DNM3: variants seen among roughly 807,000 people sequenced by gnomAD.
The protein encoded by DNM3 is dynamin 3, also known as dynamin-3.
DNM3 carries 47 observed loss-of-function variants against 101.6 expected under a neutral mutation model. That is an observed-to-expected ratio of 0.46 (90% CI 0.37 to 0.59). The LOEUF (loss-of-function observed/expected upper bound fraction) is 0.59, where lower values mean the gene tolerates loss of function less well. Among genes scored for constraint, DNM3 ranks in the 20% least tolerant of loss-of-function variants. The pLI, the probability that DNM3 is intolerant of heterozygous loss-of-function variation, is 0.00. For missense variants in DNM3, 849 were observed against 1,085.7 expected, an observed-to-expected ratio of 0.78 and a Z score of 3.06; for synonymous variants, 385 against 387.9, an observed-to-expected ratio of 0.99 and a Z score of 0.09.
chr1:172,409,214 T>A lies in DNM3; in HGVS notation c.*1373T>A. The stretch of plus-strand genomic sequence containing the variant: ...GACAGCAGAGCAAGTATTCACTGAG[T>A]AGGGGTGTCCCATGACACTATTTCA... On this transcript the variant is annotated 3_prime_UTR_variant, in exon 21 of 21. Coordinates refer to ENST00000627582, the MANE Select transcript of DNM3 (RefSeq NM_015569.5). 1.0e-6 allele frequency: 1 copy of A among 985,352 alleles called. No homozygotes were observed. Among genetic ancestry groups the A allele is most frequent in the Non-Finnish European group, 1.2e-6 (1 of 829,880 alleles). 61.0% of individuals were successfully genotyped at this position (985,352 alleles called of 1,614,324 possible). A position where few individuals can be genotyped will look rare whatever the true frequency, so the allele number is the denominator to read the frequency against.
intron 14 of DNM3, chr1:172,138,771 C>CCG: frequency 5.3e-6 from 2 of 378,988 alleles, no homozygotes; most frequent in South Asian, 2.1e-5. Flanking sequence ...GTGAGGGCTG[C>CCG]TTTCTTTCAA....
chr1:172,123,382 C>G (rs1279046178), intron 13 of DNM3, among the ~76,000 whole-genome samples: 1 of 152,200 alleles, frequency 6.6e-6, no homozygotes, highest in Non-Finnish European at 1.5e-5. Flanking sequence ...TGGCCACTTA[C>G]AAGTCACACC....
chr1:172,095,003 G>A (rs1265600709), intron 13 of DNM3, among the ~76,000 whole-genome samples: 1 of 152,176 alleles, frequency 6.6e-6, no homozygotes, highest in Non-Finnish European at 1.5e-5. Flanking sequence ...ACTTCCAAAT[G>A]CTCAAATCAT....
At chr1:172,228,899 A>T (rs1032172700) in intron 14 of DNM3, among the ~76,000 whole-genome samples, 11 of 152,212 alleles carry the variant, frequency 7.2e-5, no homozygotes, top group African/African-American at 2.6e-4. Flanking sequence ...GTGAAAATAA[A>T]TTTTTTAAAA....
At chr1:172,212,721 G>C (rs552859542) in intron 14 of DNM3, among the ~76,000 whole-genome samples, 1 of 152,108 alleles carries the variant, frequency 6.6e-6, no homozygotes, top group African/African-American at 2.4e-5. Context: ...ACCACAAACT[G>C]ATTTGGGTAT....
chr1:172,009,123 A>ATATATATATTTATAT (rs1491449989), intron 4 of DNM3, among the ~76,000 whole-genome samples: 1 of 123,484 alleles, frequency 8.1e-6, no homozygotes, highest in African/African-American at 3.4e-5. Context: ...ATATCATATA[A>ATATATATATTTATAT]TATATATATT....
intron 13 of DNM3, among the ~76,000 whole-genome samples, chr1:172,103,082 A>T (rs1052734878): frequency 2.0e-5 from 3 of 152,152 alleles, no homozygotes; most frequent in Non-Finnish European, 4.4e-5. Context: ...AAAGTTGAAT[A>T]ATGCAGATAA....
intron 15 of DNM3, among the ~76,000 whole-genome samples, chr1:172,301,483 C>G (rs1186325366): frequency 6.6e-6 from 1 of 152,160 alleles, no homozygotes; most frequent in Non-Finnish European, 1.5e-5. Flanking sequence ...GCTCAGGCAA[C>G]AGAGAGACAT....
chr1:172,288,931 A>C (rs1428683738), intron 15 of DNM3, among the ~76,000 whole-genome samples: 2 of 152,248 alleles, frequency 1.3e-5, no homozygotes, highest in East Asian at 3.9e-4. Context: ...TTAGGAAAAA[A>C]TCCTAGCTGG....
chr1:171,911,063 G>A (rs542072699), intron 1 of DNM3, among the ~76,000 whole-genome samples: 245 of 152,232 alleles, frequency 1.6e-3, no homozygotes, highest in Admixed American at 3.6e-3. Flanking sequence ...AAAAGTTTGC[G>A]TGGGGGAATC....
chr1:172,385,597 T>A (rs2069137576), intron 18 of DNM3, among the ~76,000 whole-genome samples: 1 of 152,256 alleles, frequency 6.6e-6, no homozygotes, highest in Admixed American at 6.5e-5. Flanking sequence ...TTAGCTGAAT[T>A]TTTTGATTAG....
intron 1 of DNM3, among the ~76,000 whole-genome samples, chr1:171,870,380 G>A (rs1365665038): frequency 6.6e-6 from 1 of 151,958 alleles, no homozygotes; most frequent in East Asian, 1.9e-4. Context: ...TGAAGACCAG[G>A]AGTCTTTTAA....
intron 10 of DNM3, among the ~76,000 whole-genome samples, chr1:172,067,380 C>T (rs1255019674): frequency 1.3e-5 from 2 of 152,144 alleles, no homozygotes; most frequent in Non-Finnish European, 2.9e-5. Flanking sequence ...GTAGAAGCCA[C>T]CATTATTTCC....
intron 2 of DNM3, among the ~76,000 whole-genome samples, chr1:171,972,927 A>T (rs1362619274): frequency 6.6e-6 from 1 of 152,234 alleles, no homozygotes; most frequent in Non-Finnish European, 1.5e-5. Context: ...AGGGTGGAGC[A>T]GAGTTCTCTC....
chr1:172,216,574 A>C (rs2060707460), intron 14 of DNM3, among the ~76,000 whole-genome samples: 1 of 152,174 alleles, frequency 6.6e-6, no homozygotes, highest in African/African-American at 2.4e-5. Flanking sequence ...GGTTACTTGG[A>C]AACACTCAAG....
intron 14 of DNM3, among the ~76,000 whole-genome samples, chr1:172,170,790 A>G (rs961828803): frequency 1.1e-4 from 17 of 151,822 alleles, no homozygotes; most frequent in African/African-American, 4.1e-4. Flanking sequence ...TGCACAGTCC[A>G]TGTTTGAAGA....
chr1:172,324,486 G>A (rs556883371), intron 17 of DNM3, among the ~76,000 whole-genome samples: 42 of 152,186 alleles, frequency 2.8e-4, no homozygotes, highest in Admixed American at 2.7e-3. Context: ...TATAACCCAA[G>A]TAATAATATA....
rs1244322218 is a variant in DNM3, at chr1:172,304,089, T to G, written c.1770-4639T>G. On this transcript the variant is annotated intron_variant, in intron 15 of 20. Coordinates refer to ENST00000627582, the MANE Select transcript of DNM3 (RefSeq NM_015569.5). ...AATTAAAAGACACAGACTGGCAAAT[T>G]GGATAAAGAATCAAGACCCATCAGT... Among the ~76,000 whole-genome samples the G allele has an allele frequency of 6.0e-5, 9 of 151,254 alleles. No individual in the cohort carries two copies. In the East Asian group the frequency reaches 1.4e-3, roughly 23 times the overall value.
rs375689097 is a variant in DNM3, at chr1:171,953,024, T to C, written c.235+31203T>C. On this transcript the variant is annotated intron_variant, in intron 2 of 20. Coordinates refer to ENST00000627582, the MANE Select transcript of DNM3 (RefSeq NM_015569.5). ...GTAAGAAATGAGTGATAATTCTAGG[T>C]ATTTCCATGATAGTCCTTTGTTGGA... Among the ~76,000 whole-genome samples, 11 of 152,328 alleles carry C rather than the reference T, an allele frequency of 7.2e-5. No homozygotes were observed. The East Asian group carries it at 2.1e-3, about 29-fold the overall frequency.
Sources: allele counts gnomAD v4.1 joint callset (sites outside exome capture counted in the v4.1 genomes callset), GRCh38; gene constraint gnomAD v4.1.1; transcripts MANE v1.5; gene names NCBI Gene and HGNC (gene_info 2026-07-23, HGNC 2026-07-21).